The following WDR70 variants were observed in gnomAD, a reference collection of about 807,000 sequenced individuals.
The protein encoded by WDR70 is WD repeat-containing protein 70.
WDR70 carries 53 observed loss-of-function variants against 88.6 expected under a neutral mutation model. The ratio of observed to expected loss-of-function variants is 0.60; its 90% CI spans 0.48 to 0.75. The LOEUF (loss-of-function observed/expected upper bound fraction) is 0.75, where lower values mean the gene tolerates loss of function less well. Among genes scored for constraint, WDR70 ranks in the 30% least tolerant of loss-of-function variants. WDR70 has a pLI of 0.00. For missense variants in WDR70, 610 were observed against 823.2 expected (o/e 0.74, Z 3.17); for synonymous variants, 280 against 270.0 (o/e 1.04, Z -0.36).
At chr5:37,484,271 C>G (rs1739782536) in intron 8 of WDR70, among the ~76,000 whole-genome samples, 1 of 152,222 alleles carries the variant, frequency 6.6e-6, no homozygotes, top group African/African-American at 2.4e-5. Flanking sequence ...CAACATTGAG[C>G]ACTGAGTGAA....
chr5:37,429,867 T>C (rs1405959514), intron 5 of WDR70, among the ~76,000 whole-genome samples: 1 of 152,232 alleles, frequency 6.6e-6, no homozygotes, highest in Non-Finnish European at 1.5e-5. Flanking sequence ...AATTAGCTTG[T>C]AAATTTGTAC....
At chr5:37,414,150 A>G (rs1410917813) in intron 5 of WDR70, among the ~76,000 whole-genome samples, 1 of 151,116 alleles carries the variant, frequency 6.6e-6, no homozygotes, top group South Asian at 2.1e-4. Flanking sequence ...GTCTCAAAAA[A>G]AAAAAAAAAA....
intron 10 of WDR70, among the ~76,000 whole-genome samples, chr5:37,657,249 G>A (rs913145447): frequency 6.6e-6 from 1 of 152,142 alleles, no homozygotes; most frequent in African/African-American, 2.4e-5. Flanking sequence ...GCCAGGGGAG[G>A]TAGTTTCCTG....
intron 5 of WDR70, among the ~76,000 whole-genome samples, chr5:37,410,556 C>T (rs1749493859): frequency 6.6e-6 from 1 of 152,144 alleles, no homozygotes; most frequent in African/African-American, 2.4e-5. Context: ...CTTGTCCTAA[C>T]TCCCTTACCT....
At chr5:37,485,165 A>G (rs1265340652) in intron 8 of WDR70, among the ~76,000 whole-genome samples, 1 of 152,198 alleles carries the variant, frequency 6.6e-6, no homozygotes, top group African/African-American at 2.4e-5. Context: ...TCCCCCATCT[A>G]GTGCCCTTTT....
At chr5:37,518,718 T>G (rs980106602) in intron 9 of WDR70, among the ~76,000 whole-genome samples, 2 of 151,204 alleles carry the variant, frequency 1.3e-5, no homozygotes, top group Non-Finnish European at 2.9e-5. Context: ...TTGATCATTC[T>G]TGGGTGTTTC....
At chr5:37,665,690 A>G (rs560667414) in intron 10 of WDR70, among the ~76,000 whole-genome samples, 1 of 152,196 alleles carries the variant, frequency 6.6e-6, no homozygotes, top group African/African-American at 2.4e-5. Flanking sequence ...TTCTGCAGCA[A>G]TTGGGTTATC....
intron 7 of WDR70, among the ~76,000 whole-genome samples, chr5:37,454,132 T>C (rs936241557): frequency 6.6e-6 from 1 of 152,216 alleles, no homozygotes; most frequent in African/African-American, 2.4e-5. Flanking sequence ...AAGACTGTTT[T>C]CAGCAAGGTG....
At chr5:37,665,404 G>C (rs1224482928) in intron 10 of WDR70, among the ~76,000 whole-genome samples, 1 of 152,118 alleles carries the variant, frequency 6.6e-6, no homozygotes, top group Non-Finnish European at 1.5e-5. Context: ...GGGTTCAACA[G>C]GATAAACATA....
chr5:37,676,416 C>A (rs1261613939), intron 10 of WDR70, among the ~76,000 whole-genome samples: 1 of 152,088 alleles, frequency 6.6e-6, no homozygotes, highest in African/African-American at 2.4e-5. Flanking sequence ...CCCATAAATA[C>A]CTAATTTCTT....
intron 13 of WDR70, among the ~76,000 whole-genome samples, chr5:37,708,188 T>C (rs940925375): frequency 6.6e-6 from 1 of 150,796 alleles, no homozygotes; most frequent in Non-Finnish European, 1.5e-5. Context: ...CCCTTTCCTG[T>C]GAGAAATGAA....
intron 10 of WDR70, among the ~76,000 whole-genome samples, chr5:37,686,914 A>G (rs1746622692): frequency 6.7e-6 from 1 of 148,404 alleles, no homozygotes; most frequent in Non-Finnish European, 1.5e-5. Context: ...GTGCCATTGC[A>G]CTCCAGCCTA....
intron 9 of WDR70, among the ~76,000 whole-genome samples, chr5:37,558,839 A>G (rs934860086): frequency 6.6e-6 from 1 of 151,560 alleles, no homozygotes; most frequent in African/African-American, 2.4e-5. Context: ...TTTCTTACTT[A>G]TTCCCATCCT....
At chr5:37,576,483 G>T (rs1743058283) in intron 9 of WDR70, among the ~76,000 whole-genome samples, 1 of 151,922 alleles carries the variant, frequency 6.6e-6, no homozygotes, top group East Asian at 1.9e-4. Flanking sequence ...ATTTTATTTA[G>T]CAATACAAAA....
chr5:37,634,307 A>G (rs542014359), intron 10 of WDR70, among the ~76,000 whole-genome samples: 1 of 151,624 alleles, frequency 6.6e-6, no homozygotes, highest in African/African-American at 2.4e-5. Flanking sequence ...TCAAAAAAAA[A>G]AAAAGAAAAA....
intron 13 of WDR70, among the ~76,000 whole-genome samples, chr5:37,716,579 T>C (rs1226675957): frequency 6.6e-6 from 1 of 152,138 alleles, no homozygotes; most frequent in Non-Finnish European, 1.5e-5. Context: ...GTGCGAGTTA[T>C]TATGTGACCT....
intron 17 of WDR70, among the ~76,000 whole-genome samples, chr5:37,741,544 T>C (rs1409363238): frequency 6.6e-6 from 1 of 152,136 alleles, no homozygotes; most frequent in African/African-American, 2.4e-5. Context: ...TAGATTCTTA[T>C]AAGGAGCTCA....
At chr5:37,475,607 CT>C (rs954749799) in intron 7 of WDR70, among the ~76,000 whole-genome samples, 2 of 152,122 alleles carry the variant, frequency 1.3e-5, no homozygotes, top group African/African-American at 4.8e-5. Flanking sequence ...TTTAGTAAGT[CT>C]TTGTGAAATA....
At chr5:37,673,920 A>G (rs1746111954) in intron 10 of WDR70, among the ~76,000 whole-genome samples, 2 of 151,954 alleles carry the variant, frequency 1.3e-5, no homozygotes, top group East Asian at 3.9e-4. Flanking sequence ...CTCCACCTCC[A>G]TCCATGTCCT....
Sources: gnomAD v4.1 joint callset for allele counts (sites outside exome capture counted in the v4.1 genomes callset) on GRCh38, gnomAD v4.1.1 for gene constraint, MANE v1.5 for transcripts, NCBI Gene and HGNC (gene_info 2026-07-23, HGNC 2026-07-21) for gene names.